TTLL7: variants seen among roughly 807,000 people sequenced by gnomAD.
TTLL7 encodes tubulin tyrosine ligase like 7, also known as tubulin polyglutamylase TTLL7.
Under a neutral mutation model 120.2 loss-of-function variants are expected in TTLL7, and 53 were observed. That is an observed-to-expected ratio of 0.44 (90% confidence interval 0.35 to 0.55). TTLL7 has a LOEUF of 0.55. TTLL7 is among the 20% of genes least tolerant of loss of function. The pLI, the probability that TTLL7 is intolerant of heterozygous loss-of-function variation, is 0.00. For missense variants in TTLL7, 803 were observed against 1,054.7 expected (o/e 0.76, Z 3.31); for synonymous variants, 353 against 351.7 (o/e 1.00, Z -0.04).
intron 19 of TTLL7, among the ~76,000 whole-genome samples, chr1:83,886,858 G>C (rs1393205274): frequency 6.6e-6 from 1 of 151,982 alleles, no homozygotes; most frequent in African/African-American, 2.4e-5. Context: ...TCAGGCCTAA[G>C]TTTGAGTCCC....
intron 1 of TTLL7, among the ~76,000 whole-genome samples, chr1:83,972,373 T>A (rs1482200750): frequency 6.6e-6 from 1 of 152,096 alleles, no homozygotes; most frequent in East Asian, 1.9e-4. Flanking sequence ...TGTAGCCTTA[T>A]CAGATTGGCT....
intron 1 of TTLL7, among the ~76,000 whole-genome samples, chr1:83,990,532 C>G (rs1456659054): frequency 6.6e-6 from 1 of 152,134 alleles, no homozygotes; most frequent in African/African-American, 2.4e-5. Flanking sequence ...TTCCAATAAC[C>G]CTATTTAAAA....
chr1:83,953,547 G>A (rs1046672663), intron 1 of TTLL7, among the ~76,000 whole-genome samples: 8 of 152,042 alleles, frequency 5.3e-5, no homozygotes, highest in African/African-American at 1.4e-4. Context: ...TAAAATGATT[G>A]TCTAGTATAA....
chr1:83,952,019 A>T, intron 2 of TTLL7, 43 bp from the exon 3 acceptor site: 1 of 1,582,404 alleles, frequency 6.3e-7, no homozygotes, highest in Non-Finnish European at 8.6e-7. Flanking sequence ...TGAAAACAAA[A>T]ATCTATACCA....
chr1:83,891,179 G>C lies in TTLL7; in HGVS notation c.2209-698C>G, dbSNP rs1454106654. On this transcript the variant is annotated intron_variant, in intron 18 of 20. Coordinates refer to ENST00000260505, the MANE Select transcript of TTLL7 (RefSeq NM_024686.6). ...TAAATATACCTTAAGGAAAATAAAA[G>C]ATAAACTTACAAACTGCAAAAATAT... 2.6e-5 allele frequency among the ~76,000 whole-genome samples: 4 copies of C among 151,530 alleles called. No homozygotes were observed. In the East Asian group the frequency reaches 7.8e-4, roughly 29 times the overall value.
chr1:83,949,686 G>C (rs929144717), intron 4 of TTLL7, 179 bp downstream of exon 4: 2 of 601,168 alleles, frequency 3.3e-6, no homozygotes, highest in East Asian at 6.4e-5. Context: ...ACTTAAGTCT[G>C]CAAAAGATGC....
chr1:83,981,473 C>T (rs991467279), intron 1 of TTLL7: 5 of 151,798 alleles, frequency 3.3e-5, no homozygotes, highest in African/African-American at 1.2e-4. Flanking sequence ...AGTGTATATC[C>T]ACCAAACAAG....
intron 18 of TTLL7, among the ~76,000 whole-genome samples, chr1:83,895,082 A>T (rs186921159): frequency 2.1e-4 from 32 of 151,998 alleles, no homozygotes; most frequent in Non-Finnish European, 3.7e-4. Flanking sequence ...TCTAAGGAAA[A>T]CTTTACCTGC....
intron 1 of TTLL7, among the ~76,000 whole-genome samples, chr1:83,977,666 T>C (rs1417835260): frequency 6.6e-6 from 1 of 152,144 alleles, no homozygotes; most frequent in Non-Finnish European, 1.5e-5. Context: ...ATTGGTCATA[T>C]GCCAAGTATT....
intron 1 of TTLL7, among the ~76,000 whole-genome samples, chr1:83,970,169 C>A (rs1650847695): frequency 6.6e-6 from 1 of 152,108 alleles, no homozygotes; most frequent in Admixed American, 6.6e-5. Flanking sequence ...CTAATTAGTA[C>A]ACAAGGATTA....
At chr1:83,883,996 T>C (rs948169303) in intron 19 of TTLL7, among the ~76,000 whole-genome samples, 2 of 151,898 alleles carry the variant, frequency 1.3e-5, no homozygotes, top group African/African-American at 4.8e-5. Context: ...CAGGTAATGG[T>C]GCATACTTCC....
intron 1 of TTLL7, among the ~76,000 whole-genome samples, chr1:83,961,284 T>C (rs1455661883): frequency 2.0e-5 from 3 of 152,108 alleles, no homozygotes; most frequent in Non-Finnish European, 4.4e-5. Flanking sequence ...ATCAAACAAA[T>C]TTGTCACAAT....
intron 1 of TTLL7, among the ~76,000 whole-genome samples, chr1:83,966,265 G>A (rs913457419): frequency 2.0e-5 from 3 of 151,950 alleles, no homozygotes; most frequent in Non-Finnish European, 2.9e-5. Context: ...GTTCTTCCCT[G>A]GGTCTCCAGG....
At chr1:83,984,612 A>G (rs1652279622) in intron 1 of TTLL7, among the ~76,000 whole-genome samples, 1 of 152,234 alleles carries the variant, frequency 6.6e-6, no homozygotes, top group Non-Finnish European at 1.5e-5. Context: ...ATGAGATTAT[A>G]TCTTTTGCAG....
chr1:83,970,351 G>C (rs771122356), intron 1 of TTLL7, among the ~76,000 whole-genome samples: 20 of 152,052 alleles, frequency 1.3e-4, no homozygotes, highest in Non-Finnish European at 2.5e-4. Flanking sequence ...TGAAGTTACA[G>C]TACAGGTTAT....
intron 15 of TTLL7, among the ~76,000 whole-genome samples, chr1:83,907,969 T>C (rs966719389): frequency 6.6e-6 from 1 of 152,148 alleles, no homozygotes; most frequent in Non-Finnish European, 1.5e-5. Context: ...TTAACATTTA[T>C]GGAGCATATT....
intron 1 of TTLL7, among the ~76,000 whole-genome samples, chr1:83,967,329 C>T (rs2389645): frequency 1.9e-5 from 1 of 53,126 alleles, no homozygotes; most frequent in African/African-American, 3.9e-5. Context: ...AGTTCTCAAA[C>T]TTGAATGTGC....
At chr1:83,927,992 T>C (rs1340807800) in intron 10 of TTLL7, among the ~76,000 whole-genome samples, 1 of 152,164 alleles carries the variant, frequency 6.6e-6, no homozygotes, top group Non-Finnish European at 1.5e-5. Context: ...GGAACAACAC[T>C]AAGAAAGATA....
At chr1:83,897,324 G>A (rs978220771) in intron 18 of TTLL7, among the ~76,000 whole-genome samples, 40 of 152,022 alleles carry the variant, frequency 2.6e-4, no homozygotes, top group African/African-American at 8.7e-4. Context: ...GGGCATGGTA[G>A]TCCCTCAATA....
Sources: allele counts gnomAD v4.1 joint callset (sites outside exome capture counted in the v4.1 genomes callset), GRCh38; gene constraint gnomAD v4.1.1; transcripts MANE v1.5; gene names NCBI Gene and HGNC (gene_info 2026-07-23, HGNC 2026-07-21).